The following AGAP1 variants were observed in gnomAD, a reference collection of about 807,000 sequenced individuals.
AGAP1 encodes the protein arf-GAP with GTPase, ANK repeat and PH domain-containing protein 1.
In AGAP1, 29 loss-of-function variants were observed where a neutral mutation model predicts 105.3. The ratio of observed to expected loss-of-function variants is 0.28; its 90% CI spans 0.21 to 0.38. The LOEUF is 0.38. Ranked by LOEUF, AGAP1 falls within the 10% of genes least tolerant of loss-of-function variation. The pLI is 1.00. For synonymous variants in AGAP1, 509 were observed against 485.9 expected, an observed-to-expected ratio of 1.05 and a Z score of -0.63; for missense variants, 998 against 1,165.1, an observed-to-expected ratio of 0.86 and a Z score of 2.09.
chr2:235,852,626 A>G lies in AGAP1; in HGVS notation c.1051-30719A>G, dbSNP rs2048520545. ...TAATTGAGTTTATAATTAATTAGCCATAACCCTCATCAGATAAAGCAGTTG... is the reference window on the plus strand; with the variant it reads ...TAATTGAGTTTATAATTAATTAGCCGTAACCCTCATCAGATAAAGCAGTTG... On this transcript the variant is annotated intron_variant, in intron 9 of 17. Transcript: ENST00000304032. The G allele has an allele frequency of 1.1e-5, 15 of 1,363,708 alleles. No individual in the cohort carries two copies. In the South Asian group the frequency reaches 2.6e-4, roughly 23 times the overall value. 84.5% of individuals were successfully genotyped at this position (1,363,708 alleles called of 1,614,324 possible). A position where few individuals can be genotyped will look rare whatever the true frequency, so the allele number is the denominator to read the frequency against.
chr2:235,919,675 A>C lies in AGAP1; in HGVS notation c.1324+10769A>C, dbSNP rs950165863. 6.6e-6 allele frequency among the ~76,000 whole-genome samples: 1 copy of C among 152,220 alleles called. No individual in the cohort carries two copies. Among genetic ancestry groups the C allele is most frequent in the African/African-American group, 2.4e-5 (1 of 41,456 alleles). On this transcript the variant is annotated intron_variant, in intron 11 of 17. Transcript: ENST00000304032. This position sits in a 1 kb window ranked among gnomAD's most constrained non-coding sequence, Gnocchi z 4.1. ...GACCGGGGAACGCTCCCCTCAAAAC[A>C]GTGTTGTCAAATGAAAATGAATTTC...
At chr2:235,576,476 G>C (rs1383423199) in intron 1 of AGAP1, among the ~76,000 whole-genome samples, 1 of 152,184 alleles carries the variant, frequency 6.6e-6, no homozygotes, top group Non-Finnish European at 1.5e-5. Context: ...GTGGTGCTTG[G>C]GGAATATCTC....
At position 236,038,186 on chromosome 2, in the gene AGAP1, T is replaced by G. The variant is rs553381893; in HGVS notation, c.1800+1471T>G. 6.6e-6 allele frequency among the ~76,000 whole-genome samples: 1 copy of G among 152,274 alleles called. No homozygotes were observed. Among genetic ancestry groups the G allele is most frequent in the South Asian group, 2.1e-4 (1 of 4,820 alleles). On this transcript the variant is annotated intron_variant, in intron 14 of 17. Coordinates refer to ENST00000304032, the MANE Select transcript of AGAP1 (RefSeq NM_001037131.3). The surrounding 1 kb of genome is among the most constrained non-coding windows in gnomAD (Gnocchi z 4.5). ...CGTCCACATGCATCCATGATGTGCC[T>G]CCTGAAACGAGCACAGGGTGCTTTG...
At chr2:235,708,878 C>G (rs952321290) in intron 1 of AGAP1, among the ~76,000 whole-genome samples, 3 of 152,170 alleles carry the variant, frequency 2.0e-5, no homozygotes, top group African/African-American at 7.2e-5. Context: ...GATACACGCT[C>G]CACTGAAGGG....
rs1336786490 is a variant in AGAP1, at chr2:235,729,002, G to A, written c.310+11358G>A. 6.6e-6 allele frequency among the ~76,000 whole-genome samples: 1 copy of A among 151,628 alleles called. No homozygotes were observed. Among genetic ancestry groups the A allele is most frequent in the African/African-American group, 2.4e-5 (1 of 40,906 alleles). ...TGTGGGTCTTCCATGTCCCAGGGAC[G>A]GAGAGAGGAGAAGTGGGGTTGGCCA... is the stretch of plus-strand genomic sequence containing the variant. On this transcript the variant is annotated intron_variant, in intron 3 of 17. Transcript: ENST00000304032. The surrounding 1 kb of genome is among the most constrained non-coding windows in gnomAD (Gnocchi z 5.0).
intron 6 of AGAP1, among the ~76,000 whole-genome samples, chr2:235,786,301 T>C (rs1194128813): frequency 6.6e-5 from 10 of 152,212 alleles, no homozygotes; most frequent in Admixed American, 3.9e-4. Flanking sequence ...TTGTAGCATT[T>C]GAAATGTTAC....
In AGAP1 at chr2:235,751,685, G is replaced by T. The variant is rs1331226360; in HGVS notation, c.673+1197G>T. ...CAAACTTCACATTTTCTTTCCTGGA[G>T]CAGTGAGGTTCCTTTCTAAGCCTGC... On this transcript the variant is annotated intron_variant, in intron 6 of 17. Coordinates refer to ENST00000304032, the MANE Select transcript of AGAP1 (RefSeq NM_001037131.3). This position sits in a 1 kb window ranked among gnomAD's most constrained non-coding sequence, Gnocchi z 5.3. Among the ~76,000 whole-genome samples the T allele has an allele frequency of 6.6e-6, 1 of 152,178 alleles. No individual in the cohort carries two copies. Among genetic ancestry groups the T allele is most frequent in the Non-Finnish European group, 1.5e-5 (1 of 68,032 alleles).
chr2:236,035,524 G>A lies in AGAP1; in HGVS notation c.1646-1037G>A, dbSNP rs1204422641. Among the ~76,000 whole-genome samples the A allele has an allele frequency of 1.3e-5, 2 of 152,180 alleles. No individual in the cohort carries two copies. The highest frequency in any genetic ancestry group is 3.2e-3 in the Middle Eastern group (1 of 316). ...CACCTGTAGTCCGAGCTACTCAGGA[G>A]GCGAAGGCAGGCTCGCTTGAGCCTG... is the stretch of plus-strand genomic sequence containing the variant. On this transcript the variant is annotated intron_variant, in intron 13 of 17. Coordinates refer to ENST00000304032, the MANE Select transcript of AGAP1 (RefSeq NM_001037131.3). The surrounding 1 kb of genome is among the most constrained non-coding windows in gnomAD (Gnocchi z 4.2).
intron 9 of AGAP1, among the ~76,000 whole-genome samples, chr2:235,826,715 G>A (rs1391798581): frequency 6.6e-6 from 1 of 152,162 alleles, no homozygotes; most frequent in African/African-American, 2.4e-5. Context: ...TGGAATTACA[G>A]GTGTGAGCCA....
At position 235,785,448 on chromosome 2, in the gene AGAP1, A is replaced by T. The variant is rs565930115; in HGVS notation, c.674-12311A>T. Among the ~76,000 whole-genome samples the T allele has an allele frequency of 3.9e-5, 6 of 152,336 alleles. 1 individual carries two copies. In the South Asian group the frequency reaches 1.0e-3, roughly 26 times the overall value. ...TCTGTCTCAAGGTTCCTGATTTCAA[A>T]ATCGACTTTTGGCCTTTACGTCTTA... On this transcript the variant is annotated intron_variant, in intron 6 of 17. Coordinates refer to ENST00000304032, the MANE Select transcript of AGAP1 (RefSeq NM_001037131.3).
At chr2:235,709,887 G>T (rs1432041827) in intron 2 of AGAP1, among the ~76,000 whole-genome samples, 34 of 152,138 alleles carry the variant, frequency 2.2e-4, no homozygotes, top group Admixed American at 2.2e-3. Flanking sequence ...GAAACAACCA[G>T]GTTCTTTGTC....
chr2:235,612,722 G>A lies in AGAP1; in HGVS notation c.164-96457G>A, dbSNP rs111747981. 8.7e-4 allele frequency among the ~76,000 whole-genome samples: 133 copies of A among 152,182 alleles called. No homozygotes were observed. Among genetic ancestry groups the A allele is most frequent in the African/African-American group, 2.0e-3 (85 of 41,524 alleles). On this transcript the variant is annotated intron_variant, in intron 1 of 17. Coordinates refer to ENST00000304032, the MANE Select transcript of AGAP1 (RefSeq NM_001037131.3). This position sits in a 1 kb window ranked among gnomAD's most constrained non-coding sequence, Gnocchi z 4.3. ...AGTGGTCCTTTTGCATGGGGTGGCCGGCCAGGTGTGCTGAGTGCCACCTGG... is the reference window on the plus strand; with the variant it reads ...AGTGGTCCTTTTGCATGGGGTGGCCAGCCAGGTGTGCTGAGTGCCACCTGG...
At chr2:235,613,113 T>C (rs966390593) in intron 1 of AGAP1, among the ~76,000 whole-genome samples, 1 of 150,450 alleles carries the variant, frequency 6.6e-6, no homozygotes, top group South Asian at 2.2e-4. Context: ...GTGTAACCTC[T>C]GCCTCCTGAG....
chr2:235,966,029 G>A (rs2054374922), intron 12 of AGAP1, among the ~76,000 whole-genome samples: 1 of 150,156 alleles, frequency 6.7e-6, no homozygotes, highest in Admixed American at 6.6e-5. Flanking sequence ...GAGGAGAGGG[G>A]AGCCTTTTCC....
At chr2:235,770,125 CTTTG>C (rs1171409551) in intron 6 of AGAP1, among the ~76,000 whole-genome samples, 3 of 110,584 alleles carry the variant, frequency 2.7e-5, no homozygotes, top group African/African-American at 8.9e-5. Context: ...TTTTTTCTTT[CTTTG>C]TTTCTTTTTT....
At chr2:235,757,349 C>T (rs563032843) in intron 6 of AGAP1, among the ~76,000 whole-genome samples, 11 of 148,694 alleles carry the variant, frequency 7.4e-5, no homozygotes, top group African/African-American at 2.9e-4. Context: ...CAGGTGCTAG[C>T]GCTCCCGGGC....
At chr2:235,585,584 C>G (rs1945081652) in intron 1 of AGAP1, among the ~76,000 whole-genome samples, 2 of 152,308 alleles carry the variant, frequency 1.3e-5, no homozygotes, top group African/African-American at 2.4e-5. Flanking sequence ...TATTTTGTCT[C>G]TTTGAGTTCT....
At chr2:235,500,520 C>G (rs966997260) in intron 1 of AGAP1, among the ~76,000 whole-genome samples, 5 of 152,222 alleles carry the variant, frequency 3.3e-5, no homozygotes, top group African/African-American at 1.2e-4. Flanking sequence ...GCCGTTGTTT[C>G]TTCTTCCTTG....
rs1016048686 is a variant in AGAP1 at position 235,625,238 on chromosome 2, C to A, written c.164-83941C>A. 6.6e-6 allele frequency among the ~76,000 whole-genome samples: 1 copy of A among 152,160 alleles called. No homozygotes were observed. Among genetic ancestry groups the A allele is most frequent in the Non-Finnish European group, 1.5e-5 (1 of 68,030 alleles). On this transcript the variant is annotated intron_variant, in intron 1 of 17. Coordinates refer to ENST00000304032, the MANE Select transcript of AGAP1 (RefSeq NM_001037131.3). This position sits in a 1 kb window ranked among gnomAD's most constrained non-coding sequence, Gnocchi z 4.0. ...ACTCCAGCAGTCCCCTCTGCACATG[C>A]CTGAACTGCTTCAGGGCACCCTACA...
Sources: allele counts gnomAD v4.1 joint callset (sites outside exome capture counted in the v4.1 genomes callset), GRCh38; gene constraint gnomAD v4.1.1; non-coding constraint Gnocchi (gnomAD v3.1); transcripts MANE v1.5; gene names NCBI Gene and HGNC (gene_info 2026-07-23, HGNC 2026-07-21).